ARK2C: variants seen among roughly 807,000 people sequenced by gnomAD.
ARK2C encodes E3 ubiquitin-protein ligase ARK2C.
the ARK2C span, among the ~76,000 whole-genome samples, chr18:46,384,279 C>T: frequency 2.0e-5 from 3 of 152,202 alleles, no homozygotes; most frequent in African/African-American, 7.2e-5. Context: ...GCTGGGATGC[C>T]CAAGGCCTCA....
At chr18:46,440,301 T>C in the ARK2C span, among the ~76,000 whole-genome samples, 1 of 152,076 alleles carries the variant, frequency 6.6e-6, no homozygotes, top group Admixed American at 6.6e-5. Flanking sequence ...AGAGAGACCA[T>C]ATTCACATAA....
the ARK2C span, among the ~76,000 whole-genome samples, chr18:46,405,957 A>G: frequency 6.6e-6 from 1 of 151,972 alleles, no homozygotes; most frequent in African/African-American, 2.4e-5. Context: ...ACACATGTGT[A>G]CACCCTACAC....
the ARK2C span, among the ~76,000 whole-genome samples, chr18:46,407,057 G>T: frequency 6.6e-6 from 1 of 152,274 alleles, no homozygotes; most frequent in South Asian, 2.1e-4. Flanking sequence ...TTTTGCCTCG[G>T]CCTCTACCAC....
the ARK2C span, among the ~76,000 whole-genome samples, chr18:46,395,763 G>C: frequency 6.6e-6 from 1 of 152,238 alleles, no homozygotes; most frequent in Non-Finnish European, 1.5e-5. Context: ...AAATAGTCAT[G>C]CCCAATGCAA....
chr18:46,429,799 G>C, the ARK2C span, among the ~76,000 whole-genome samples: 6 of 151,774 alleles, frequency 4.0e-5, no homozygotes, highest in African/African-American at 1.5e-4. Context: ...TTGAGATGGG[G>C]TCTTGCTATG....
At chr18:46,399,735 C>G in the ARK2C span, among the ~76,000 whole-genome samples, 1 of 152,156 alleles carries the variant, frequency 6.6e-6, no homozygotes, top group Non-Finnish European at 1.5e-5. Flanking sequence ...CAGAGGAGGA[C>G]AGTGTCCGGC....
the ARK2C span, among the ~76,000 whole-genome samples, chr18:46,368,376 C>T: frequency 3.3e-5 from 5 of 152,256 alleles, no homozygotes; most frequent in African/African-American, 1.2e-4. Context: ...ATATCATCAC[C>T]CTAAACCCCC....
At chr18:46,450,103 AT>A in the ARK2C span, among the ~76,000 whole-genome samples, 7 of 152,192 alleles carry the variant, frequency 4.6e-5, no homozygotes, top group Admixed American at 4.6e-4. Context: ...TAATTCTGTT[AT>A]TCCTTCTGGG....
chr18:46,354,833 T>G, the ARK2C span, among the ~76,000 whole-genome samples: 9 of 152,240 alleles, frequency 5.9e-5, no homozygotes, highest in Non-Finnish European at 1.2e-4. Flanking sequence ...TACACAAAGC[T>G]TTGGGGCCTA....
At chr18:46,393,547 A>G in the ARK2C span, among the ~76,000 whole-genome samples, 2 of 151,878 alleles carry the variant, frequency 1.3e-5, no homozygotes, top group Non-Finnish European at 1.5e-5. Context: ...ACCCCACCCC[A>G]TCTACATAGG....
At chr18:46,348,192 G>C in the ARK2C span, among the ~76,000 whole-genome samples, 1 of 150,520 alleles carries the variant, frequency 6.6e-6, no homozygotes, top group Non-Finnish European at 1.5e-5. Flanking sequence ...TGGTTGCCCA[G>C]GAAGGGGTGG....
At chr18:46,393,156 C>T in the ARK2C span, among the ~76,000 whole-genome samples, 2 of 152,160 alleles carry the variant, frequency 1.3e-5, no homozygotes, top group South Asian at 2.1e-4. Context: ...TTACTGACAT[C>T]GTGGGTCTGT....
chr18:46,385,459 G>C, the ARK2C span, among the ~76,000 whole-genome samples: 2 of 152,208 alleles, frequency 1.3e-5, no homozygotes, highest in African/African-American at 4.8e-5. Context: ...AGGATGTCCA[G>C]GTTGAAACCC....
the ARK2C span, among the ~76,000 whole-genome samples, chr18:46,454,110 C>CAA: frequency 9.5e-3 from 157 of 16,608 alleles, 13 homozygotes; most frequent in African/African-American, 0.013. Flanking sequence ...AAGGCCGTCT[C>CAA]AAAAAAAAAA....
At chr18:46,364,211 G>A in the ARK2C span, among the ~76,000 whole-genome samples, 2 of 151,894 alleles carry the variant, frequency 1.3e-5, no homozygotes, top group African/African-American at 4.8e-5. Context: ...GCCTCCCAAA[G>A]TGCTGGGATT....
the ARK2C span, among the ~76,000 whole-genome samples, chr18:46,376,388 C>A: frequency 1.8e-4 from 27 of 152,220 alleles, no homozygotes; most frequent in Admixed American, 1.8e-3. Context: ...GTGGTAGAGG[C>A]CACAGCGTGG....
chr18:46,336,741 G>C, the ARK2C span: 1 of 985,408 alleles, frequency 1.0e-6, no homozygotes, highest in Non-Finnish European at 1.2e-6. Flanking sequence ...TCCCTGTTAA[G>C]TGGATTCCTT....
At chr18:46,444,301 TA>T in the ARK2C span, among the ~76,000 whole-genome samples, 1 of 152,200 alleles carries the variant, frequency 6.6e-6, no homozygotes, top group Non-Finnish European at 1.5e-5. Flanking sequence ...TAGTTTTTAT[TA>T]AATTTGGAAA....
At chr18:46,427,479 G>T in the ARK2C span, among the ~76,000 whole-genome samples, 1 of 152,214 alleles carries the variant, frequency 6.6e-6, no homozygotes, top group African/African-American at 2.4e-5. Flanking sequence ...TCATGGCAGT[G>T]GGGGAGGCTC....
Sources: allele counts gnomAD v4.1 joint callset (sites outside exome capture counted in the v4.1 genomes callset), GRCh38; gene constraint gnomAD v4.1.1; transcripts MANE v1.5; gene names NCBI Gene and HGNC (gene_info 2026-07-23, HGNC 2026-07-21).